Variants in AKAP6 observed in about 807,000 individuals in gnomAD.
AKAP6 encodes the protein A-kinase anchoring protein 6.
A neutral mutation model predicts 188.5 loss-of-function variants in AKAP6; 58 were observed. The observed-to-expected ratio is 0.31, with a 90% CI of 0.25 to 0.38. AKAP6 has a LOEUF of 0.38. Among genes scored for constraint, AKAP6 ranks in the 10% least tolerant of loss-of-function variants. The pLI is 1.00. For synonymous variants in AKAP6, 989 were observed against 998.6 expected, an observed-to-expected ratio of 0.99 and a Z score of 0.18; for missense variants, 2,710 against 2,740.0, an observed-to-expected ratio of 0.99 and a Z score of 0.24.
In AKAP6 at chr14:32,835,826, C is replaced by T. The variant is rs1267094493; in HGVS notation, c.*6021C>T. ...CTGGGAAGGGAACGTTCAAGGAAAC[C>T]GTATAGCCACTTCTTTTTTAAAAGC... On this transcript the variant is annotated 3_prime_UTR_variant, in exon 14 of 14. Transcript: ENST00000280979. 6.6e-6 allele frequency: 1 copy of T among 152,180 alleles called. No individual in the cohort carries two copies. Among genetic ancestry groups the T allele is most frequent in the African/African-American group, 2.4e-5 (1 of 41,436 alleles). 9.4% of individuals were successfully genotyped at this position (152,180 alleles called of 1,614,324 possible).
intron 1 of AKAP6, among the ~76,000 whole-genome samples, chr14:32,380,815 A>G (rs1888330457): frequency 6.6e-6 from 1 of 152,188 alleles, no homozygotes; most frequent in Non-Finnish European, 1.5e-5. Context: ...GAGAGCAACC[A>G]TCTGCTTTAG....
chr14:32,747,095 C>T (rs1236655690), intron 11 of AKAP6, among the ~76,000 whole-genome samples: 3 of 152,154 alleles, frequency 2.0e-5, no homozygotes, highest in Non-Finnish European at 4.4e-5. Context: ...GCATAATTTT[C>T]AGAAATAAAA....
chr14:32,817,874 T>C (rs926821158), intron 12 of AKAP6, among the ~76,000 whole-genome samples: 20 of 152,194 alleles, frequency 1.3e-4, no homozygotes, highest in Admixed American at 6.5e-5. Context: ...ACCAAATAAT[T>C]TTCCTATCAG....
chr14:32,644,163 T>C (rs1414153679), intron 7 of AKAP6, among the ~76,000 whole-genome samples: 1 of 152,206 alleles, frequency 6.6e-6, no homozygotes, highest in African/African-American at 2.4e-5. Flanking sequence ...GGTGATCTAC[T>C]ATTTGCCACA....
At position 32,830,016 on chromosome 14, in the gene AKAP6, TTC is replaced by T. The variant is rs2034788443; in HGVS notation, c.*215_*216del. ...CTTGTGATCTGAATGTGTGCGCTGG[TTC>T]TCTTTAGGTGATCGTCTTTGAAGTT... On this transcript the variant is annotated 3_prime_UTR_variant, in exon 14 of 14. Coordinates refer to ENST00000280979, the MANE Select transcript of AKAP6 (RefSeq NM_004274.5). 1 of 701,048 alleles carries T rather than the reference TTC, an allele frequency of 1.4e-6. No homozygotes were observed. Among genetic ancestry groups the T allele is most frequent in the Non-Finnish European group, 2.6e-6 (1 of 383,992 alleles). The allele number at this position is 701,048 out of a possible 1,614,324, so 43.4% of individuals were successfully genotyped here. A position where few individuals can be genotyped will look rare whatever the true frequency, so the allele number is the denominator to read the frequency against.
chr14:32,610,855 T>C (rs1032104139), intron 7 of AKAP6, among the ~76,000 whole-genome samples: 1 of 152,198 alleles, frequency 6.6e-6, no homozygotes, highest in African/African-American at 2.4e-5. Flanking sequence ...TAGTGAAAGA[T>C]AGATACTGAA....
chr14:32,496,491 G>A (rs1396450008), intron 2 of AKAP6, among the ~76,000 whole-genome samples: 1 of 151,822 alleles, frequency 6.6e-6, no homozygotes, highest in Non-Finnish European at 1.5e-5. Flanking sequence ...TTTGGGAGTG[G>A]CCTATTGATA....
At chr14:32,692,583 G>C (rs1402452613) in intron 8 of AKAP6, among the ~76,000 whole-genome samples, 1 of 152,124 alleles carries the variant, frequency 6.6e-6, no homozygotes, top group African/African-American at 2.4e-5. Flanking sequence ...TGGTTGTATT[G>C]GTATTGGTCT....
At chr14:32,665,929 G>A (rs1888915916) in intron 7 of AKAP6, among the ~76,000 whole-genome samples, 1 of 152,152 alleles carries the variant, frequency 6.6e-6, no homozygotes, top group South Asian at 2.1e-4. Context: ...ATGGACACAT[G>A]TAGTGGGGAG....
chr14:32,492,920 A>G (rs1880113001), intron 2 of AKAP6, among the ~76,000 whole-genome samples: 1 of 152,238 alleles, frequency 6.6e-6, no homozygotes, highest in African/African-American at 2.4e-5. Context: ...CATAAAAATG[A>G]AATGCCACCA....
At chr14:32,743,510 G>A (rs1012693092) in intron 11 of AKAP6, among the ~76,000 whole-genome samples, 2 of 151,840 alleles carry the variant, frequency 1.3e-5, no homozygotes, top group African/African-American at 4.8e-5. Flanking sequence ...TTAGTTTCTT[G>A]CTTTTCATTG....
chr14:32,548,918 T>C (rs1382968017), intron 4 of AKAP6, among the ~76,000 whole-genome samples: 1 of 152,172 alleles, frequency 6.6e-6, no homozygotes, highest in Non-Finnish European at 1.5e-5. Context: ...TTTTTTGTTT[T>C]TTTTACATCC....
chr14:32,417,573 A>T (rs1038676290), intron 1 of AKAP6, among the ~76,000 whole-genome samples: 1 of 152,168 alleles, frequency 6.6e-6, no homozygotes, highest in African/African-American at 2.4e-5. Context: ...CTTGCTTGTT[A>T]GCCAGAGCTC....
Position 32,822,170 on chromosome 14 carries a change from T to A in AKAP6, c.4357T>A (p.Cys1453Ser), listed in dbSNP as rs1443075404. ...CAGTATTACCAAACATACCCCTGAC[T>A]GTTTGGGAGAAGAATTACAAGGAAA... The part of the protein sequence containing the change: ...LNSITKHTPD[C>S]LGEELQGKHD... Residue 1453 changes from cysteine (C) to serine (S), a missense_variant, in exon 13 of 14, where the codon TGT becomes AGT. This residue lies in a region of AKAP6 where 2,473 missense variants were observed against 2,426.1 expected (regional missense o/e 1.02). Transcript: ENST00000280979. 6.2e-7 allele frequency: 1 copy of A among 1,613,894 alleles called. No homozygotes were observed. Among genetic ancestry groups the A allele is most frequent in the Admixed American group, 1.7e-5 (1 of 59,934 alleles).
intron 8 of AKAP6, among the ~76,000 whole-genome samples, chr14:32,681,623 A>T (rs1889680539): frequency 6.6e-6 from 1 of 152,090 alleles, no homozygotes; most frequent in Non-Finnish European, 1.5e-5. Context: ...TGGGCAAAAC[A>T]TTGCAGAGCA....
intron 7 of AKAP6, among the ~76,000 whole-genome samples, chr14:32,666,929 A>G (rs1249182453): frequency 1.3e-5 from 2 of 152,106 alleles, no homozygotes; most frequent in Non-Finnish European, 2.9e-5. Context: ...TTTAATTGCT[A>G]AGCTTTTTTA....
chr14:32,773,323 G>A (rs1056700986), intron 11 of AKAP6, among the ~76,000 whole-genome samples: 3 of 152,020 alleles, frequency 2.0e-5, no homozygotes, highest in Admixed American at 6.5e-5. Context: ...TATCTTCTGC[G>A]TTTCCTTCGA....
intron 1 of AKAP6, among the ~76,000 whole-genome samples, chr14:32,331,457 T>A (rs1318556116): frequency 6.6e-6 from 1 of 152,022 alleles, no homozygotes; most frequent in Non-Finnish European, 1.5e-5. Flanking sequence ...CCTGTAATTT[T>A]TCCCCCCGCA....
chr14:32,795,329 CA>C (rs2033734013), intron 12 of AKAP6, among the ~76,000 whole-genome samples: 1 of 151,926 alleles, frequency 6.6e-6, no homozygotes, highest in Admixed American at 6.6e-5. Flanking sequence ...AGAGATGCAA[CA>C]AAAAAAGAAA....
Sources: allele counts gnomAD v4.1 joint callset (sites outside exome capture counted in the v4.1 genomes callset), GRCh38; gene constraint gnomAD v4.1.1; regional missense constraint gnomAD v4.1.1; transcripts MANE v1.5; gene names NCBI Gene and HGNC (gene_info 2026-07-23, HGNC 2026-07-21).